TNKS: variants seen among roughly 807,000 people sequenced by gnomAD.
TNKS encodes poly [ADP-ribose] polymerase tankyrase-1.
TNKS carries 72 observed loss-of-function variants against 135.8 expected under a neutral mutation model. That is an observed-to-expected ratio of 0.53 (90% CI 0.44 to 0.64). The LOEUF (loss-of-function observed/expected upper bound fraction) is 0.64, where lower values mean the gene tolerates loss of function less well. TNKS is among the 30% of genes least tolerant of loss of function. The probability of loss-of-function intolerance (pLI) is 0.00; values close to 1 mark genes in which losing one functional copy is unlikely to be tolerated. For synonymous variants in TNKS, 849 were observed against 649.3 expected (o/e 1.31, Z -4.68); for missense variants, 1,769 against 1,674.0 (o/e 1.06, Z -0.99).
At chr8:9,592,869 C>A (rs1239132290) in intron 2 of TNKS, among the ~76,000 whole-genome samples, 2 of 152,144 alleles carry the variant, frequency 1.3e-5, no homozygotes, top group Non-Finnish European at 2.9e-5. Context: ...GTATGTCAGA[C>A]ACTTCAATAT....
At chr8:9,599,236 A>C (rs1798922195) in intron 2 of TNKS, among the ~76,000 whole-genome samples, 1 of 152,198 alleles carries the variant, frequency 6.6e-6, no homozygotes, top group African/African-American at 2.4e-5. Flanking sequence ...CCTTTATTTC[A>C]ATCCAGCAGA....
At chr8:9,624,478 A>T (rs772326550) in intron 3 of TNKS, among the ~76,000 whole-genome samples, 5 of 152,224 alleles carry the variant, frequency 3.3e-5, no homozygotes, top group Non-Finnish European at 5.9e-5. Flanking sequence ...AATAAAAAGA[A>T]GTCCCTTGTA....
chr8:9,571,509 G>T (rs987570925), intron 1 of TNKS, among the ~76,000 whole-genome samples: 5 of 152,134 alleles, frequency 3.3e-5, no homozygotes, highest in African/African-American at 1.2e-4. Flanking sequence ...CCAGGCTGGA[G>T]TGCAGTGGTG....
chr8:9,607,842 G>A (rs889985567), intron 2 of TNKS, among the ~76,000 whole-genome samples: 4 of 152,110 alleles, frequency 2.6e-5, no homozygotes, highest in African/African-American at 9.7e-5. Context: ...TTTGTCAGGG[G>A]CATTCTAATG....
At chr8:9,583,568 G>A (rs952698876) in intron 2 of TNKS, among the ~76,000 whole-genome samples, 28 of 151,776 alleles carry the variant, frequency 1.8e-4, no homozygotes. Context: ...TGCTCACTGC[G>A]AACTCTGCCT....
At chr8:9,730,795 T>C in intron 13 of TNKS, 95 bp from the exon 14 acceptor site, 2 of 1,356,514 alleles carry the variant, frequency 1.5e-6, no homozygotes, top group Non-Finnish European at 2.0e-6. Context: ...CAATTATAAT[T>C]TACTTATCCA....
chr8:9,659,305 C>A (rs1252204182), intron 3 of TNKS, among the ~76,000 whole-genome samples: 1 of 152,198 alleles, frequency 6.6e-6, no homozygotes, highest in African/African-American at 2.4e-5. Flanking sequence ...CCACACCACA[C>A]CTATTCCAAA....
At chr8:9,657,660 C>A (rs1381690974) in intron 3 of TNKS, among the ~76,000 whole-genome samples, 1 of 84,914 alleles carries the variant, frequency 1.2e-5, no homozygotes, top group Non-Finnish European at 2.5e-5. Context: ...GGCTGACCCC[C>A]CCATCTCCCT....
chr8:9,655,541 A>T (rs888177096), intron 3 of TNKS, among the ~76,000 whole-genome samples: 2 of 152,280 alleles, frequency 1.3e-5, no homozygotes, highest in Admixed American at 1.3e-4. Context: ...CTCTGAGACA[A>T]AACCTCCAGA....
rs1254790212 is a variant in TNKS at position 9,658,555 on chromosome 8, G to C, written c.995-21396G>C. 3.4e-5 allele frequency: 12 copies of C among 348,240 alleles called. No homozygotes were observed. The East Asian group carries it at 6.6e-4, about 19-fold the overall frequency. The allele number at this position is 348,240 out of a possible 1,614,324, so 21.6% of individuals were successfully genotyped here. A position where few individuals can be genotyped will look rare whatever the true frequency, so the allele number is the denominator to read the frequency against. ...ATGCTGAGAGATTTTGTCACCACCA[G>C]GCCTGCCCTAAAAGAGCTCCTGAAG... On this transcript the variant is annotated intron_variant, in intron 3 of 26. Coordinates refer to ENST00000310430, the MANE Select transcript of TNKS (RefSeq NM_003747.3).
intron 3 of TNKS, among the ~76,000 whole-genome samples, chr8:9,624,034 A>G (rs1480989953): frequency 2.0e-5 from 3 of 152,056 alleles, no homozygotes; most frequent in Non-Finnish European, 4.4e-5. Context: ...AACAACAACA[A>G]CAACAAAAAA....
intron 3 of TNKS, among the ~76,000 whole-genome samples, chr8:9,655,107 G>C (rs1024673470): frequency 6.6e-6 from 1 of 152,208 alleles, no homozygotes; most frequent in Admixed American, 6.5e-5. Context: ...CCTGCACCTG[G>C]CTTGGAGGAT....
chr8:9,580,741 G>C (rs1370993791), intron 2 of TNKS, among the ~76,000 whole-genome samples: 1 of 151,994 alleles, frequency 6.6e-6, no homozygotes, highest in East Asian at 1.9e-4. Context: ...GATGACATTT[G>C]AACACTTGAG....
At chr8:9,681,674 G>A (rs1389481470) in intron 5 of TNKS, among the ~76,000 whole-genome samples, 1 of 152,114 alleles carries the variant, frequency 6.6e-6, no homozygotes, top group Non-Finnish European at 1.5e-5. Context: ...ATTATTTACA[G>A]TGAAAATGTT....
intron 5 of TNKS, among the ~76,000 whole-genome samples, chr8:9,688,022 A>G (rs1382393245): frequency 6.6e-6 from 1 of 152,226 alleles, no homozygotes; most frequent in Non-Finnish European, 1.5e-5. Context: ...GCAGGAAGAA[A>G]CACACAAGAC....
intron 3 of TNKS, among the ~76,000 whole-genome samples, chr8:9,618,126 A>G (rs865923670): frequency 3.3e-5 from 5 of 151,976 alleles, no homozygotes; most frequent in Middle Eastern, 3.4e-3. Context: ...AGCTGGGACT[A>G]CAGGCATGTG....
chr8:9,626,749 C>G (rs35723521), intron 3 of TNKS, among the ~76,000 whole-genome samples: 2 of 152,116 alleles, frequency 1.3e-5, no homozygotes, highest in African/African-American at 4.8e-5. Flanking sequence ...TTTTGACACC[C>G]ATGAGGGAGT....
chr8:9,679,655 C>T lies in TNKS; in HGVS notation c.995-296C>T, dbSNP rs532285272. 259 of 318,580 alleles carry T rather than the reference C, an allele frequency of 8.1e-4. 1 individual carries two copies. Among genetic ancestry groups the T allele is most frequent in the African/African-American group, 5.2e-3 (251 of 48,132 alleles). The allele number at this position is 318,580 out of a possible 1,614,324, so 19.7% of individuals were successfully genotyped here. A position where few individuals can be genotyped will look rare whatever the true frequency, so the allele number is the denominator to read the frequency against. On this transcript the variant is annotated intron_variant, in intron 3 of 26. Coordinates refer to ENST00000310430, the MANE Select transcript of TNKS (RefSeq NM_003747.3). ...GGGAGGGGACATTGTCTTCAGCTGG[C>T]ATGCTGTTATCAGAGGGAATGTGTT...
At chr8:9,572,630 T>C (rs971509422) in intron 1 of TNKS, among the ~76,000 whole-genome samples, 1 of 152,224 alleles carries the variant, frequency 6.6e-6, no homozygotes, top group South Asian at 2.1e-4. Flanking sequence ...CTTTAGAAGA[T>C]AGACCTGTAC....
Sources: allele counts gnomAD v4.1 joint callset (sites outside exome capture counted in the v4.1 genomes callset), GRCh38; gene constraint gnomAD v4.1.1; transcripts MANE v1.5; gene names NCBI Gene and HGNC (gene_info 2026-07-23, HGNC 2026-07-21).